FOXP1: variants seen among roughly 807,000 people sequenced by gnomAD.
The protein encoded by FOXP1 is forkhead box protein P1.
Under a neutral mutation model 98.2 loss-of-function variants are expected in FOXP1, and 15 were observed. The observed-to-expected ratio is 0.15, with a 90% confidence interval of 0.10 to 0.24. The LOEUF is 0.24. Among genes scored for constraint, FOXP1 ranks in the 10% least tolerant of loss-of-function variants. The pLI is 1.00. For missense variants in FOXP1, 633 were observed against 848.5 expected (o/e 0.75, Z 3.15); for synonymous variants, 371 against 314.5 (o/e 1.18, Z -1.90).
At chr3:71,344,451 T>G (rs950847107) in intron 4 of FOXP1, among the ~76,000 whole-genome samples, 25 of 152,230 alleles carry the variant, frequency 1.6e-4, no homozygotes, top group African/African-American at 5.5e-4. Context: ...CGACAAATAA[T>G]ATGTCCACTA....
intron 11 of FOXP1, among the ~76,000 whole-genome samples, chr3:71,031,272 T>C (rs935471420): frequency 2.0e-5 from 3 of 152,194 alleles, no homozygotes; most frequent in Admixed American, 6.5e-5. Flanking sequence ...GGCTTGCCAT[T>C]AGACTGATTT....
At chr3:71,240,689 G>C (rs185051024) in intron 5 of FOXP1, among the ~76,000 whole-genome samples, 19,917 of 151,554 alleles carry the variant, frequency 0.13, 1,406 homozygotes, top group Non-Finnish European at 0.16. Context: ...TTACAGGCGC[G>C]TGCCACCATG....
At chr3:71,216,584 GATGT>G (rs2064950072) in intron 5 of FOXP1, among the ~76,000 whole-genome samples, 2 of 152,242 alleles carry the variant, frequency 1.3e-5, no homozygotes, top group South Asian at 4.1e-4. Context: ...TTTCTGAGTT[GATGT>G]ATGTAAGATG....
chr3:71,474,163 A>C (rs1303027247), intron 3 of FOXP1, among the ~76,000 whole-genome samples: 1 of 152,206 alleles, frequency 6.6e-6, no homozygotes, highest in Non-Finnish European at 1.5e-5. Context: ...TTATTGTTTC[A>C]CAATAGCACG....
At position 70,956,003 on chromosome 3, in the gene FOXP1, A is replaced by C. The variant is rs2031695488; in HGVS notation, c.*3244T>G. The C allele has an allele frequency of 4.3e-6, 1 of 233,186 alleles. No homozygotes were observed. The allele number at this position is 233,186 out of a possible 1,614,324, so 14.4% of individuals were successfully genotyped here. On this transcript the variant is annotated 3_prime_UTR_variant, in exon 21 of 21. Coordinates refer to ENST00000649528, the MANE Select transcript of FOXP1 (RefSeq NM_001349338.3). ...ATCCAATATTCTTAAAGCAAGGATA[A>C]CTAAATAAAATACATGTGCAGCATA... is the stretch of plus-strand genomic sequence containing the variant.
At chr3:71,198,442 AAG>A (rs2063448339) in intron 5 of FOXP1, 50 bp from the exon 6 acceptor site, 2 of 1,304,626 alleles carry the variant, frequency 1.5e-6, no homozygotes, top group South Asian at 2.4e-5. Flanking sequence ...GAGAAAAAAA[AAG>A]CAGCTGTTAA....
chr3:71,466,367 C>T (rs1026193500), intron 3 of FOXP1, among the ~76,000 whole-genome samples: 1 of 152,202 alleles, frequency 6.6e-6, no homozygotes, highest in Admixed American at 6.5e-5. Flanking sequence ...CAAAGGGATA[C>T]AACACAAATG....
chr3:71,485,754 C>G lies in FOXP1; in HGVS notation c.-168+7672G>C, dbSNP rs1215271479. Reference sequence around the variant, plus strand: ...ACATACCACTCCACTCCAGCTTAGACAACAAAGAGACTCCATCAAAAAAAA... The same window carrying G: ...ACATACCACTCCACTCCAGCTTAGAGAACAAAGAGACTCCATCAAAAAAAA... On this transcript the variant is annotated intron_variant, in intron 3 of 20. Coordinates refer to ENST00000649528, the MANE Select transcript of FOXP1 (RefSeq NM_001349338.3). Among the ~76,000 whole-genome samples the G allele has an allele frequency of 3.5e-5, 5 of 142,280 alleles. No homozygotes were observed. In the East Asian group the frequency reaches 1.0e-3, roughly 29 times the overall value. The allele number at this position is 142,280 out of a possible 152,430, so 93.3% of individuals were successfully genotyped here. A position where few individuals can be genotyped will look rare whatever the true frequency, so the allele number is the denominator to read the frequency against.
At chr3:71,139,158 G>T (rs1443389580) in intron 6 of FOXP1, among the ~76,000 whole-genome samples, 1 of 152,118 alleles carries the variant, frequency 6.6e-6, no homozygotes, top group East Asian at 1.9e-4. Context: ...GGAAATTGGG[G>T]CATACATAGA....
At chr3:71,055,679 T>C (rs1396036431) in intron 7 of FOXP1, among the ~76,000 whole-genome samples, 1 of 152,226 alleles carries the variant, frequency 6.6e-6, no homozygotes, top group Non-Finnish European at 1.5e-5. Flanking sequence ...ACTTTTCGGA[T>C]TTTTAAGTAT....
chr3:71,252,453 G>T lies in FOXP1; in HGVS notation c.-12+47367C>A, dbSNP rs116728690. 7.0e-3 allele frequency among the ~76,000 whole-genome samples: 1,067 copies of T among 152,308 alleles called. 17 individuals carry two copies. The highest frequency in any genetic ancestry group is 0.024 in the African/African-American group (991 of 41,564). On this transcript the variant is annotated intron_variant, in intron 5 of 20. Transcript: ENST00000649528. ...AAGACGAAAGAAAAGTCACTTCCTTGAGAGAGTGGAGCTAATAAAAAGTGT... is the reference window on the plus strand; with the variant it reads ...AAGACGAAAGAAAAGTCACTTCCTTTAGAGAGTGGAGCTAATAAAAAGTGT...
At chr3:71,417,074 T>C (rs923580038) in intron 3 of FOXP1, among the ~76,000 whole-genome samples, 3 of 152,152 alleles carry the variant, frequency 2.0e-5, no homozygotes, top group Admixed American at 6.5e-5. Context: ...TCCTGGTATA[T>C]GCAAAAAACT....
At chr3:71,247,553 C>T (rs554075841) in intron 5 of FOXP1, among the ~76,000 whole-genome samples, 1 of 152,172 alleles carries the variant, frequency 6.6e-6, no homozygotes, top group Non-Finnish European at 1.5e-5. Flanking sequence ...CGAGGGCCTG[C>T]GAGCGACTTT....
intron 7 of FOXP1, among the ~76,000 whole-genome samples, chr3:71,066,293 TAA>T (rs2052500567): frequency 6.6e-6 from 1 of 152,304 alleles, no homozygotes; most frequent in South Asian, 2.1e-4. Flanking sequence ...ACTCTGGCTG[TAA>T]AAGAGACAAG....
chr3:71,187,870 A>T (rs1203660206), intron 6 of FOXP1, among the ~76,000 whole-genome samples: 1 of 152,222 alleles, frequency 6.6e-6, no homozygotes, highest in Non-Finnish European at 1.5e-5. Context: ...AGGACTAAAA[A>T]TAGTCAGGAA....
intron 6 of FOXP1, among the ~76,000 whole-genome samples, chr3:71,117,818 G>A (rs2107792924): frequency 6.6e-6 from 1 of 152,250 alleles, no homozygotes; most frequent in Non-Finnish European, 1.5e-5. Flanking sequence ...TGGATAACCT[G>A]GTGCTGTATT....
At chr3:71,268,142 G>C (rs1258436876) in intron 5 of FOXP1, among the ~76,000 whole-genome samples, 1 of 138,102 alleles carries the variant, frequency 7.2e-6, no homozygotes, top group Admixed American at 7.5e-5. Context: ...CCAGGCTGGA[G>C]TGCAGTGGCA....
chr3:71,188,136 T>C (rs1188508414), intron 6 of FOXP1, among the ~76,000 whole-genome samples: 1 of 152,248 alleles, frequency 6.6e-6, no homozygotes, highest in Non-Finnish European at 1.5e-5. Context: ...GACTCTGCTG[T>C]TGAAAAGCAA....
rs376728258 is a variant in FOXP1, at chr3:71,459,249, C to G, written c.-168+34177G>C. 5.3e-5 allele frequency among the ~76,000 whole-genome samples: 8 copies of G among 152,172 alleles called. No homozygotes were observed. In the East Asian group the frequency reaches 1.4e-3, roughly 26 times the overall value. ...AATGGGTATTAGGTACAGTCTTTAC[C>G]TCAATTTATTTATTGACTGAAGAGC... is the stretch of plus-strand genomic sequence containing the variant. On this transcript the variant is annotated intron_variant, in intron 3 of 20. Coordinates refer to ENST00000649528, the MANE Select transcript of FOXP1 (RefSeq NM_001349338.3).
Sources: gnomAD v4.1 joint callset for allele counts (sites outside exome capture counted in the v4.1 genomes callset) on GRCh38, gnomAD v4.1.1 for gene constraint, MANE v1.5 for transcripts, NCBI Gene and HGNC (gene_info 2026-07-23, HGNC 2026-07-21) for gene names.